UBA7: variants seen among roughly 807,000 people sequenced by gnomAD.
UBA7 encodes the protein ubiquitin like modifier activating enzyme 7, also known as ubiquitin-like modifier-activating enzyme 7.
UBA7 carries 88 observed loss-of-function variants against 113.0 expected under a neutral mutation model. The ratio of observed to expected loss-of-function variants is 0.78; its 90% CI spans 0.66 to 0.93. The LOEUF is 0.93. UBA7 is among the 40% of genes least tolerant of loss of function. The pLI is 0.00. For synonymous variants in UBA7, 459 were observed against 513.0 expected, an observed-to-expected ratio of 0.89 and a Z score of 1.42; for missense variants, 1,092 against 1,266.4, an observed-to-expected ratio of 0.86 and a Z score of 2.09.
At position 49,812,028 on chromosome 3, in the gene UBA7, C is replaced by G. The variant is rs2081555621; in HGVS notation, c.793-12G>C. On this transcript the variant is annotated splice_polypyrimidine_tract_variant and intron_variant, in intron 7 of 23. Coordinates refer to ENST00000333486, the MANE Select transcript of UBA7 (RefSeq NM_003335.3). ...GTGTCCAGGGACTTCTGCAAGGGCA[C>G]CTGGCTCAGGGTCTAGTCCAGAATG... The G allele has an allele frequency of 6.2e-7, 1 of 1,614,018 alleles. No individual in the cohort carries two copies. Among genetic ancestry groups the G allele is most frequent in the African/African-American group, 1.3e-5 (1 of 74,922 alleles).
At position 49,812,119 on chromosome 3, in the gene UBA7, G is replaced by A; in HGVS notation, c.782C>T (p.Thr261Ile). 6.2e-7 allele frequency: 1 copy of A among 1,614,220 alleles called. No homozygotes were observed. ...GAITEVKRPK[T>I]VRHKSLDTAL... ...TGCACTTGCACTCACATGTCTCACAGTCTTGGGTCTCTTGACTTCAGTGAT... is the reference window on the plus strand; with the variant it reads ...TGCACTTGCACTCACATGTCTCACAATCTTGGGTCTCTTGACTTCAGTGAT... The change falls in exon 7 of 24, where the codon ACT becomes ATT. Residue 261 changes from threonine to isoleucine, a missense_variant. Thr to Ile is a moderately conservative substitution (Grantham distance 89). This residue lies in a region of UBA7 where 584 missense variants were observed against 714.5 expected (regional missense o/e 0.82). Coordinates refer to ENST00000333486, the MANE Select transcript of UBA7 (RefSeq NM_003335.3).
At position 49,813,521 on chromosome 3, in the gene UBA7, C is replaced by G. The variant is rs781322908; in HGVS notation, c.183G>C (p.Leu61=). The G allele has an allele frequency of 6.2e-7, 1 of 1,613,998 alleles. No homozygotes were observed. Among genetic ancestry groups the G allele is most frequent in the South Asian group, 1.1e-5 (1 of 91,090 alleles). The change falls in exon 2 of 24, where the codon CTG becomes CTC. Residue 61 remains leucine (L), a synonymous_variant. Transcript: ENST00000333486. ...LVLMGVGSLT[L]HDPHPTCWSD... is the part of the protein sequence containing the mutation. ...ACCAGCAGGTGGGGTGGGGATCATGCAGAGTGAGGCTGCCCACACCCATCA... is the reference window on the plus strand; with the variant it reads ...ACCAGCAGGTGGGGTGGGGATCATGGAGAGTGAGGCTGCCCACACCCATCA...
chr3:49,808,209 G>T, intron 19 of UBA7, 97 bp from the exon 20 acceptor site: 5 of 1,538,692 alleles, frequency 3.2e-6, no homozygotes, highest in Non-Finnish European at 4.5e-6. Context: ...CAGTTCTGTC[G>T]GGGGGTTGCC....
chr3:49,813,238 C>T lies in UBA7; in HGVS notation c.360+11G>A, dbSNP rs1330346614. On this transcript the variant is annotated intron_variant, in intron 3 of 23. Transcript: ENST00000333486. ...CCTTCCTGCTCTTGAGGGCTGCAGG[C>T]CTGAGCTGACCTGGAAGTCCAACAG... 1 of 1,613,908 alleles carries T rather than the reference C, an allele frequency of 6.2e-7. No individual in the cohort carries two copies. Among genetic ancestry groups the T allele is most frequent in the Non-Finnish European group, 8.5e-7 (1 of 1,179,904 alleles).
At position 49,813,468 on chromosome 3, in the gene UBA7, A is replaced by G; in HGVS notation, c.225+11T>C. 2 of 1,612,434 alleles carry G rather than the reference A, an allele frequency of 1.2e-6. No individual in the cohort carries two copies. The highest frequency in any genetic ancestry group is 1.7e-6 in the Non-Finnish European group (2 of 1,179,110). Reference sequence around the variant, plus strand: ...TTGGTCTGGCAGCCCATAGCCCCCCAGGACACTTACCTGGGCAGCCAGGTC... The same window carrying G: ...TTGGTCTGGCAGCCCATAGCCCCCCGGGACACTTACCTGGGCAGCCAGGTC... On this transcript the variant is annotated intron_variant, in intron 2 of 23. Coordinates refer to ENST00000333486, the MANE Select transcript of UBA7 (RefSeq NM_003335.3).
chr3:49,806,388 C>G, intron 21 of UBA7: 4 of 591,150 alleles, frequency 6.8e-6, no homozygotes, highest in Non-Finnish European at 1.2e-5. Context: ...CACAGGGAAA[C>G]AGACGATCCA....
At position 49,808,070 on chromosome 3, in the gene UBA7, C is replaced by T. The variant is rs1559432829; in HGVS notation, c.2473G>A (p.Ala825Thr). Residue 825 changes from alanine to threonine, a missense_variant, in exon 20 of 24, where the codon GCT becomes ACT. Ala to Thr is a moderately conservative substitution (Grantham distance 58). Coordinates refer to ENST00000333486, the MANE Select transcript of UBA7 (RefSeq NM_003335.3). The stretch of plus-strand genomic sequence containing the variant: ...CCGTAGTTCTGACATCTCAGGCTAG[C>T]TGCCGCTACCACAAAGTCCACATGG... ...NFHVDFVVAA[A>T]SLRCQNYGIP... The T allele has an allele frequency of 1.9e-6, 3 of 1,614,148 alleles. No individual in the cohort carries two copies. The highest frequency in any genetic ancestry group is 2.5e-6 in the Non-Finnish European group (3 of 1,180,016).
chr3:49,811,692 G>A (rs2108301541), intron 8 of UBA7, 178 bp downstream of exon 8: 6 of 1,193,632 alleles, frequency 5.0e-6, no homozygotes, highest in East Asian at 2.4e-5. Flanking sequence ...CTGAGGGGTC[G>A]GGGTGTAGCA....
intron 19 of UBA7, 114 bp from the exon 20 acceptor site, chr3:49,808,226 C>T (rs968053464): frequency 1.4e-5 from 21 of 1,518,610 alleles, no homozygotes; most frequent in Non-Finnish European, 1.7e-5. Flanking sequence ...TGCCCCACAT[C>T]TCCTCTTGAT....
intron 21 of UBA7, 58 bp from the exon 22 acceptor site, chr3:49,806,223 AGT>A (rs1159169531): frequency 1.5e-5 from 21 of 1,435,372 alleles, no homozygotes; most frequent in Non-Finnish European, 1.9e-5. Context: ...CCCCCATCCC[AGT>A]TACCAGCAGC....
chr3:49,805,775 A>G, intron 23 of UBA7, 122 bp downstream of exon 23: 6 of 1,017,322 alleles, frequency 5.9e-6, no homozygotes, highest in Non-Finnish European at 5.8e-6. Context: ...CCATTTGGGG[A>G]AAGAATGCTT....
chr3:49,813,085 C>T lies in UBA7; in HGVS notation c.444G>A (p.Ala148=), dbSNP rs116746221. ...ACCCCACGAGGCCCCGGGTGTCAGC[C>T]GCCAGAAAGCAAACTCCATGCTTAT... is the stretch of plus-strand genomic sequence containing the variant. The part of the protein sequence containing the change: ...LCHKHGVCFL[A]ADTRGLVGQL... Residue 148 remains alanine, a synonymous_variant, in exon 4 of 24, where the codon GCG becomes GCA. Transcript: ENST00000333486. 2,539 of 1,613,832 alleles carry T rather than the reference C, an allele frequency of 1.6e-3. 5 individuals carry two copies. Among genetic ancestry groups the T allele is most frequent in the Non-Finnish European group, 2.0e-3 (2,413 of 1,179,984 alleles).
chr3:49,810,491 G>C lies in UBA7; in HGVS notation c.1467+26C>G. On this transcript the variant is annotated intron_variant, in intron 12 of 23. Coordinates refer to ENST00000333486, the MANE Select transcript of UBA7 (RefSeq NM_003335.3). This position sits in a 1 kb window ranked among gnomAD's most constrained non-coding sequence, Gnocchi z 5.6. Reference sequence around the variant, plus strand: ...TATGGGAGGACGGTCTGGGATGCAGGAGTGTGGAGAGGGGTCAGCACTCAC... The same window carrying C: ...TATGGGAGGACGGTCTGGGATGCAGCAGTGTGGAGAGGGGTCAGCACTCAC... 1.2e-6 allele frequency: 2 copies of C among 1,614,050 alleles called. No individual in the cohort carries two copies. Among genetic ancestry groups the C allele is most frequent in the Non-Finnish European group, 1.7e-6 (2 of 1,179,960 alleles).
chr3:49,812,619 C>G, intron 5 of UBA7, 29 bp downstream of exon 5: 3 of 1,614,176 alleles, frequency 1.9e-6, no homozygotes, highest in Non-Finnish European at 2.5e-6. Context: ...CCTTGGTCAG[C>G]AGGTGAATGC....
In UBA7 at chr3:49,807,825, G is replaced by A. The variant is rs755085168; in HGVS notation, c.2626C>T (p.Arg876Trp). 5.6e-5 allele frequency: 90 copies of A among 1,614,012 alleles called. 1 individual carries two copies. The highest frequency in any genetic ancestry group is 3.3e-4 in the Middle Eastern group (2 of 6,084). Residue 876 changes from arginine (R) to tryptophan (W), a missense_variant, in exon 21 of 24, where the codon CGG (arginine) becomes TGG (tryptophan). By Grantham distance (101) the Arg-to-Trp change is moderately radical (BLOSUM62 -3). Coordinates refer to ENST00000333486, the MANE Select transcript of UBA7 (RefSeq NM_003335.3). The surrounding 1 kb of genome is among the most constrained non-coding windows in gnomAD (Gnocchi z 4.0). ...LELYKVVSGPRPRSAFRHSYL... is the reference protein window; with the variant it reads ...LELYKVVSGPWPRSAFRHSYL... The stretch of plus-strand genomic sequence containing the variant: ...CTGTGGCGAAAGGCACTACGAGGCC[G>A]TGGCCCACTCACCACCTTATACAGC...
intron 4 of UBA7, 54 bp from the exon 5 acceptor site, chr3:49,812,792 T>C (rs374611475): frequency 3.0e-4 from 475 of 1,576,396 alleles, no homozygotes; most frequent in Non-Finnish European, 3.5e-4. Context: ...TACTTAAGGA[T>C]AGGGGATACT....
At position 49,810,819 on chromosome 3, in the gene UBA7, T is replaced by G; in HGVS notation, c.1244A>C (p.Tyr415Ser). Reference sequence around the variant, plus strand: ...CCCAAACACTGCAATTTGCCCATCATAGCGGCTGCCTCTCTAGGGGACAGA... The same window carrying G: ...CCCAAACACTGCAATTTGCCCATCAGAGCGGCTGCCTCTCTAGGGGACAGA... Reference protein sequence around the residue: ...PEDCALRGSRYDGQIAVFGAG... With the variant: ...PEDCALRGSRSDGQIAVFGAG... The change falls in exon 11 of 24, where the codon TAT (tyrosine) becomes TCT (serine). Residue 415 changes from tyrosine (Y) to serine (S), a missense_variant. Physicochemically the swap from Tyr to Ser is moderately radical, Grantham distance 144. This residue lies in a region of UBA7 where 584 missense variants were observed against 714.5 expected (regional missense o/e 0.82). Coordinates refer to ENST00000333486, the MANE Select transcript of UBA7 (RefSeq NM_003335.3). This position sits in a 1 kb window ranked among gnomAD's most constrained non-coding sequence, Gnocchi z 5.6. 1.9e-6 allele frequency: 3 copies of G among 1,614,142 alleles called. No homozygotes were observed. In the East Asian group the frequency reaches 6.7e-5, roughly 36 times the overall value.
In UBA7 at chr3:49,810,168, G is replaced by C. The variant is rs1285997680; in HGVS notation, c.1649C>G (p.Ala550Gly). Residue 550 changes from alanine (A) to glycine (G), a missense_variant, in exon 14 of 24, where the codon GCT becomes GGT. Ala to Gly is a moderately conservative substitution (Grantham distance 60). Coordinates refer to ENST00000333486, the MANE Select transcript of UBA7 (RefSeq NM_003335.3). This position sits in a 1 kb window ranked among gnomAD's most constrained non-coding sequence, Gnocchi z 5.6. ...DSFQARRYVA[A>G]RCTHYLKPLL... ...TGGCTTCAGATAGTGGGTGCAACGAGCAGCCACATAGCGCCCTGGCAAGGG... is the reference window on the plus strand; with the variant it reads ...TGGCTTCAGATAGTGGGTGCAACGACCAGCCACATAGCGCCCTGGCAAGGG... The C allele has an allele frequency of 6.2e-7, 1 of 1,613,200 alleles. No homozygotes were observed.
At chr3:49,806,048 G>T (rs1474031806) in intron 22 of UBA7, 25 bp downstream of exon 22, 1 of 1,578,728 alleles carries the variant, frequency 6.3e-7, no homozygotes. Context: ...CTGAGCCTGG[G>T]GGTTGGGGTA....
Sources: allele counts gnomAD v4.1 joint callset, GRCh38; gene constraint gnomAD v4.1.1; regional missense constraint gnomAD v4.1.1; non-coding constraint Gnocchi (gnomAD v3.1); transcripts MANE v1.5; gene names NCBI Gene and HGNC (gene_info 2026-07-23, HGNC 2026-07-21).